Variants in HIP1R observed in about 807,000 individuals in gnomAD.
HIP1R encodes the protein huntingtin-interacting protein 1-related protein.
A neutral mutation model predicts 144.2 loss-of-function variants in HIP1R; 135 were observed. The observed-to-expected ratio is 0.94, with a 90% CI of 0.81 to 1.08. The LOEUF (loss-of-function observed/expected upper bound fraction) is 1.08, where lower values mean the gene tolerates loss of function less well. Ranked by LOEUF, HIP1R falls within the 50% of genes least tolerant of loss-of-function variation. The probability of loss-of-function intolerance (pLI) is 0.00; values close to 1 mark genes in which losing one functional copy is unlikely to be tolerated. For synonymous variants in HIP1R, 698 were observed against 612.8 expected (o/e 1.14, Z -2.05); for missense variants, 1,462 against 1,432.8 (o/e 1.02, Z -0.33).
At position 122,841,425 on chromosome 12, in the gene HIP1R, C is replaced by T. The variant is rs181880964; in HGVS notation, c.93+5782C>T. On this transcript the variant is annotated intron_variant, in intron 1 of 31. Coordinates refer to ENST00000253083, the MANE Select transcript of HIP1R (RefSeq NM_003959.3). ...CTCAGACCTGCACCAGCCACCTACC[C>T]TGGGGTCATCAGGCAGGGCCGCGTC... 2.2e-3 allele frequency among the ~76,000 whole-genome samples: 342 copies of T among 152,330 alleles called. 5 individuals are homozygous for T. The highest frequency in any genetic ancestry group is 1.2e-3 in the South Asian group (6 of 4,826).
In HIP1R at chr12:122,850,891, T is replaced by A. The variant is rs745644188; in HGVS notation, c.495T>A (p.Ala165=). The A allele has an allele frequency of 6.8e-6, 11 of 1,610,966 alleles. No homozygotes were observed. Among genetic ancestry groups the A allele is most frequent in the African/African-American group, 4.0e-5 (3 of 74,698 alleles). The part of the protein sequence containing the change: ...EVTDEVLEKA[A]GTDVNNIFQL... Reference sequence around the variant, plus strand: ...CAGATGAGGTACTGGAGAAGGCAGCTGGGACCGATGTCAACAACATGTGAG... The same window carrying A: ...CAGATGAGGTACTGGAGAAGGCAGCAGGGACCGATGTCAACAACATGTGAG... Residue 165 remains alanine, a synonymous_variant, in exon 6 of 32, where the codon GCT becomes GCA. Transcript: ENST00000253083.
chr12:122,860,497 T>C lies in HIP1R; in HGVS notation c.2634T>C (p.Ala878=), dbSNP rs751512373. 8 of 1,610,996 alleles carry C rather than the reference T, an allele frequency of 5.0e-6. No individual in the cohort carries two copies. In the South Asian group the frequency reaches 8.8e-5, roughly 18 times the overall value. ...AAGGCCTCATCTCGGCCTCCAAGGC[T>C]GTGGGCTGGGGAGCCACACAGCTGG... ...WTEGLISASK[A]VGWGATQLVE... is the part of the protein sequence containing the mutation. The change falls in exon 27 of 32, where the codon GCT becomes GCC. Residue 878 remains alanine, a synonymous_variant. Coordinates refer to ENST00000253083, the MANE Select transcript of HIP1R (RefSeq NM_003959.3).
rs544799874 is a variant in HIP1R, at chr12:122,860,748, C to T, written c.2730C>T (p.Ile910=). The change falls in exon 28 of 32, where the codon ATC becomes ATT. Residue 910 remains isoleucine, a synonymous_variant. Transcript: ENST00000253083. ...AGCTCATCGTCTGCTCCCACGAGAT[C>T]GCAGCCAGCACGGCCCAGCTGGTGG... The part of the protein sequence containing the change: ...YEELIVCSHE[I]AASTAQLVAA... 5.6e-6 allele frequency: 9 copies of T among 1,613,226 alleles called. No homozygotes were observed. Among genetic ancestry groups the T allele is most frequent in the South Asian group, 5.5e-5 (5 of 91,072 alleles).
In HIP1R at chr12:122,861,834, C is replaced by A; in HGVS notation, c.*81C>A. On this transcript the variant is annotated 3_prime_UTR_variant, in exon 32 of 32. Transcript: ENST00000253083. The stretch of plus-strand genomic sequence containing the variant: ...CCTGACAGGACCGAGAGGCCTTGCC[C>A]CTCCACCTGGTGCCCAAGCCTCCCG... 1 of 1,354,704 alleles carries A rather than the reference C, an allele frequency of 7.4e-7. No individual in the cohort carries two copies. The highest frequency in any genetic ancestry group is 1.8e-5 in the Admixed American group (1 of 54,894). 83.9% of individuals were successfully genotyped at this position (1,354,704 alleles called of 1,614,324 possible). A position where few individuals can be genotyped will look rare whatever the true frequency, so the allele number is the denominator to read the frequency against.
rs386767139 is a variant in HIP1R at position 122,859,024 on chromosome 12, TG to T, written c.2159-29del. ...TGGGGGTCCTTATGGAGCCTGTCGG[TG>T]GGGGGGGCTCCACTCACGGTCCTTT... On this transcript the variant is annotated intron_variant, in intron 21 of 31. Transcript: ENST00000253083. The T allele has an allele frequency of 3.1e-6, 5 of 1,606,638 alleles. No individual in the cohort carries two copies. The African/African-American group carries it at 4.0e-5, about 13-fold the overall frequency.
At chr12:122,851,980 G>C (rs917224112) in intron 7 of HIP1R, among the ~76,000 whole-genome samples, 3 of 152,222 alleles carry the variant, frequency 2.0e-5, no homozygotes, top group Non-Finnish European at 4.4e-5. Flanking sequence ...TTCTGCTCTA[G>C]AAAGCCTCTG....
Position 122,836,118 on chromosome 12 carries a change from CG to C in HIP1R, c.93+476del, listed in dbSNP as rs2032887987. ...GCCGCTCCTTGCCGGCTCCTGCCCC[CG>C]TCTCCTACCCCCTGAAACCGATGCC... On this transcript the variant is annotated intron_variant, in intron 1 of 31. Transcript: ENST00000253083. The surrounding 1 kb of genome is among the most constrained non-coding windows in gnomAD (Gnocchi z 4.1). Among the ~76,000 whole-genome samples the C allele has an allele frequency of 6.6e-6, 1 of 152,106 alleles. No homozygotes were observed. Among genetic ancestry groups the C allele is most frequent in the Non-Finnish European group, 1.5e-5 (1 of 67,998 alleles).
rs1279687270 is a variant in HIP1R at position 122,856,545 on chromosome 12, G to T, written c.1515G>T (p.Leu505Phe). The change falls in exon 16 of 32, where the codon TTG becomes TTT. Residue 505 changes from leucine to phenylalanine, a missense_variant. Around this residue, in one of 2 missense-constraint regions of HIP1R, gnomAD observed 1,112 missense variants for 1,011.7 expected, o/e 1.10. Transcript: ENST00000253083. ...AGCAGGTGAAGCGGGAGTCGGAGTT[G>T]AAGGTATGTCCCTTGTGGCACAGGG... ...QVEQVKRESE[L>F]KLEEKSDQLE... 24 of 1,600,992 alleles carry T rather than the reference G, an allele frequency of 1.5e-5. No homozygotes were observed. Among genetic ancestry groups the T allele is most frequent in the Non-Finnish European group, 2.0e-5 (24 of 1,173,676 alleles).
At chr12:122,856,982 AG>A (rs2033602427) in intron 17 of HIP1R, 38 bp from the exon 18 acceptor site, 3 of 1,537,224 alleles carry the variant, frequency 2.0e-6, no homozygotes, top group African/African-American at 2.7e-5. Context: ...GGGGCCTGGG[AG>A]CTCTGTTCAC....
intron 1 of HIP1R, among the ~76,000 whole-genome samples, chr12:122,838,137 TG>T (rs1202055287): frequency 6.6e-6 from 1 of 152,150 alleles, no homozygotes; most frequent in Non-Finnish European, 1.5e-5. Context: ...TGAGCTTTTT[TG>T]ACAGGACACA....
At chr12:122,859,001 G>C in intron 21 of HIP1R, 56 bp downstream of exon 21, 1 of 1,602,936 alleles carries the variant, frequency 6.2e-7, no homozygotes, top group Non-Finnish European at 8.5e-7. Flanking sequence ...GTCTCCCCTG[G>C]GGGTCCTTAT....
At position 122,840,510 on chromosome 12, in the gene HIP1R, C is replaced by T. The variant is rs996234740; in HGVS notation, c.93+4867C>T. 2.0e-5 allele frequency among the ~76,000 whole-genome samples: 3 copies of T among 152,190 alleles called. No individual in the cohort carries two copies. The highest frequency in any genetic ancestry group is 7.2e-5 in the African/African-American group (3 of 41,440). ...ATGGGGGCAATAATACTACACACCT[C>T]CTGGAGTGGTTGTGAAGAAATTTAC... is the stretch of plus-strand genomic sequence containing the variant. On this transcript the variant is annotated intron_variant, in intron 1 of 31. Coordinates refer to ENST00000253083, the MANE Select transcript of HIP1R (RefSeq NM_003959.3). This position sits in a 1 kb window ranked among gnomAD's most constrained non-coding sequence, Gnocchi z 4.2.
rs778296860 is a variant in HIP1R at position 122,860,470 on chromosome 12, C to T, written c.2607C>T (p.Thr869=). 1.0e-4 allele frequency: 164 copies of T among 1,613,220 alleles called. No individual in the cohort carries two copies. The highest frequency in any genetic ancestry group is 1.3e-4 in the Non-Finnish European group (153 of 1,180,006). ...TTTACGCCAAGAACTCGCGCTGGAC[C>T]GAAGGCCTCATCTCGGCCTCCAAGG... The part of the protein sequence containing the change: ...QEFYAKNSRW[T]EGLISASKAV... The change falls in exon 27 of 32, where the codon ACC becomes ACT. Residue 869 remains threonine (T), a synonymous_variant. Coordinates refer to ENST00000253083, the MANE Select transcript of HIP1R (RefSeq NM_003959.3).
At chr12:122,857,792 T>A (rs1355848952) in intron 18 of HIP1R, 1 of 333,562 alleles carries the variant, frequency 3.0e-6, no homozygotes, top group Admixed American at 4.3e-5. Flanking sequence ...GTGGAGTGGT[T>A]TCTCACGGTC....
chr12:122,850,784 G>A, intron 5 of HIP1R, 51 bp from the exon 6 acceptor site: 3 of 1,473,868 alleles, frequency 2.0e-6, no homozygotes, highest in Non-Finnish European at 9.3e-7. Flanking sequence ...TGGCCGCCAG[G>A]TGTGGGGGGG....
Position 122,859,486 on chromosome 12 carries a change from G to C in HIP1R, c.2356G>C (p.Glu786Gln). Residue 786 changes from glutamate (E) to glutamine (Q), a missense_variant, in exon 23 of 32, where the codon GAG becomes CAG. This residue lies in a region of HIP1R where 1,112 missense variants were observed against 1,011.7 expected (regional missense o/e 1.10). Coordinates refer to ENST00000253083, the MANE Select transcript of HIP1R (RefSeq NM_003959.3). Reference protein sequence around the residue: ...QEELGAVVDKEMAATSAAIED... With the variant: ...QEELGAVVDKQMAATSAAIED... Reference sequence around the variant, plus strand: ...GGAGCTGGGGGCCGTGGTCGACAAGGAGATGGCGGCCACATCCGCAGCCAT... The same window carrying C: ...GGAGCTGGGGGCCGTGGTCGACAAGCAGATGGCGGCCACATCCGCAGCCAT... 6 of 1,613,462 alleles carry C rather than the reference G, an allele frequency of 3.7e-6. No homozygotes were observed. Among genetic ancestry groups the C allele is most frequent in the Non-Finnish European group, 5.1e-6 (6 of 1,179,952 alleles).
chr12:122,838,702 G>A (rs1593857762), intron 1 of HIP1R, among the ~76,000 whole-genome samples: 1 of 152,362 alleles, frequency 6.6e-6, no homozygotes, highest in South Asian at 2.1e-4. Flanking sequence ...CATCAGCTGA[G>A]ATGGTCCTTG....
chr12:122,860,839 G>A (rs2033747788), intron 28 of HIP1R, 55 bp downstream of exon 28: 3 of 1,597,838 alleles, frequency 1.9e-6, no homozygotes, highest in Middle Eastern at 1.7e-4. Context: ...CTTGGCCTGG[G>A]CTGTGGCTGC....
At chr12:122,835,833 G>T (rs1174878349) in intron 1 of HIP1R, among the ~76,000 whole-genome samples, 190 bp downstream of exon 1, 1 of 149,188 alleles carries the variant, frequency 6.7e-6, no homozygotes, top group Non-Finnish European at 1.5e-5. Flanking sequence ...CGGCCTCCGC[G>T]GCCCGAGCCG....
Sources: allele counts gnomAD v4.1 joint callset (sites outside exome capture counted in the v4.1 genomes callset), GRCh38; gene constraint gnomAD v4.1.1; regional missense constraint gnomAD v4.1.1; non-coding constraint Gnocchi (gnomAD v3.1); transcripts MANE v1.5; gene names NCBI Gene and HGNC (gene_info 2026-07-23, HGNC 2026-07-21).